The following NAV2 variants were observed in gnomAD, a reference collection of about 807,000 sequenced individuals.
NAV2 encodes neuron navigator 2, also known as helicase, APC down-regulated 1.
Under a neutral mutation model 223.2 loss-of-function variants are expected in NAV2, and 54 were observed. The observed-to-expected ratio is 0.24, with a 90% CI of 0.19 to 0.30. The LOEUF (loss-of-function observed/expected upper bound fraction) is 0.30, where lower values mean the gene tolerates loss of function less well. NAV2 is among the 10% of genes least tolerant of loss of function. The pLI is 1.00. For missense variants in NAV2, 2,806 were observed against 3,147.5 expected, an observed-to-expected ratio of 0.89 and a Z score of 2.60; for synonymous variants, 1,279 against 1,239.3, an observed-to-expected ratio of 1.03 and a Z score of -0.67.
At chr11:19,432,555 G>T (rs567345926) in intron 1 of NAV2, among the ~76,000 whole-genome samples, 1 of 152,342 alleles carries the variant, frequency 6.6e-6, no homozygotes, top group South Asian at 2.1e-4. Context: ...AGGCGTCATG[G>T]ACAGTGAGGA....
intron 1 of NAV2, among the ~76,000 whole-genome samples, chr11:19,473,371 G>A (rs746653018): frequency 6.6e-6 from 1 of 152,012 alleles, no homozygotes; most frequent in Non-Finnish European, 1.5e-5. Flanking sequence ...GAGAGGCTTG[G>A]TAGTATCATA....
In NAV2 at chr11:20,062,367, T is replaced by C. The variant is rs1458500141; in HGVS notation, c.4884+8T>C. The stretch of plus-strand genomic sequence containing the variant: ...TCGTCAGTTTATTCTACAGTGAGTA[T>C]AAATCAATGCTGTGTGGCTGTGATC... On this transcript the variant is annotated splice_region_variant and intron_variant, in intron 20 of 37. Transcript: ENST00000349880. 8.1e-6 allele frequency: 13 copies of C among 1,606,424 alleles called. No individual in the cohort carries two copies. The highest frequency in any genetic ancestry group is 9.4e-6 in the Non-Finnish European group (11 of 1,174,616).
At chr11:20,095,108 A>G (rs2061154336) in intron 29 of NAV2, among the ~76,000 whole-genome samples, 1 of 152,256 alleles carries the variant, frequency 6.6e-6, no homozygotes, top group African/African-American at 2.4e-5. Flanking sequence ...TAAAAACAAG[A>G]TAGAAGAAAA....
intron 1 of NAV2, among the ~76,000 whole-genome samples, chr11:19,467,260 A>G (rs1852400761): frequency 6.6e-6 from 1 of 152,324 alleles, no homozygotes; most frequent in South Asian, 2.1e-4. Context: ...TCAATAAGGC[A>G]TATTTCTTCT....
intron 4 of NAV2, among the ~76,000 whole-genome samples, chr11:19,873,142 A>G (rs1014245485): frequency 2.6e-5 from 4 of 152,182 alleles, no homozygotes; most frequent in Non-Finnish European, 4.4e-5. Flanking sequence ...GGCATATTCT[A>G]TCTAGTTCAG....
chr11:19,433,693 T>C (rs1851114631), intron 1 of NAV2, among the ~76,000 whole-genome samples: 2 of 152,246 alleles, frequency 1.3e-5, no homozygotes, highest in Admixed American at 1.3e-4. Context: ...GGGGAGTCTC[T>C]GATTAGGCCC....
intron 1 of NAV2, among the ~76,000 whole-genome samples, chr11:19,634,459 T>C (rs2047434591): frequency 6.6e-6 from 1 of 152,196 alleles, no homozygotes; most frequent in African/African-American, 2.4e-5. Context: ...ACCTGTGTAA[T>C]AAACCTTCAC....
chr11:19,952,691 G>A (rs952700903), intron 10 of NAV2, among the ~76,000 whole-genome samples: 2 of 152,096 alleles, frequency 1.3e-5, no homozygotes, highest in African/African-American at 4.8e-5. Context: ...GCTGTACTTC[G>A]GCTTGGCATA....
intron 19 of NAV2, among the ~76,000 whole-genome samples, chr11:20,057,513 T>C (rs929280628): frequency 4.6e-5 from 7 of 152,192 alleles, no homozygotes; most frequent in African/African-American, 1.4e-4. Flanking sequence ...ATTAATGCTA[T>C]AACTGCTCAG....
chr11:19,403,715 C>A (rs2729913), intron 1 of NAV2, among the ~76,000 whole-genome samples: 124,556 of 152,072 alleles, frequency 0.82, 51,760 homozygotes, highest in Non-Finnish European at 0.9. Flanking sequence ...AGCCTCTGTT[C>A]TAGTGTGGGA....
chr11:19,656,625 G>T (rs1024350780), intron 1 of NAV2, among the ~76,000 whole-genome samples: 6 of 152,214 alleles, frequency 3.9e-5, no homozygotes, highest in Admixed American at 3.3e-4. Context: ...AATGGGCAAA[G>T]AGTGGAGGCA....
intron 1 of NAV2, among the ~76,000 whole-genome samples, chr11:19,616,362 G>A (rs76254247): frequency 3.2e-3 from 467 of 147,934 alleles, no homozygotes; most frequent in African/African-American, 0.011. Context: ...TGGCTCTCTG[G>A]GCTGGCCTCC....
chr11:19,623,997 T>TTC (rs2047086595), intron 1 of NAV2, among the ~76,000 whole-genome samples: 1 of 152,244 alleles, frequency 6.6e-6, no homozygotes, highest in Non-Finnish European at 1.5e-5. Context: ...GTCAGGACCC[T>TTC]CAGCTGCAGG....
intron 1 of NAV2, among the ~76,000 whole-genome samples, chr11:19,381,088 C>T (rs528950134): frequency 1.3e-5 from 2 of 152,248 alleles, no homozygotes; most frequent in East Asian, 1.9e-4. Flanking sequence ...CCCTGGCTTC[C>T]CTATCCTTGC....
At chr11:19,826,685 A>G (rs1027943279) in intron 1 of NAV2, among the ~76,000 whole-genome samples, 4 of 152,224 alleles carry the variant, frequency 2.6e-5, no homozygotes, top group African/African-American at 9.6e-5. Flanking sequence ...AGGAAACTCC[A>G]GATAATTAAT....
At chr11:19,462,693 G>C (rs1350759715) in intron 1 of NAV2, among the ~76,000 whole-genome samples, 1 of 152,206 alleles carries the variant, frequency 6.6e-6, no homozygotes, top group African/African-American at 2.4e-5. Context: ...GTGATGACCA[G>C]GTTTGAGTAG....
chr11:19,408,614 T>C (rs1016951560), intron 1 of NAV2, among the ~76,000 whole-genome samples: 3 of 152,346 alleles, frequency 2.0e-5, no homozygotes, highest in East Asian at 3.9e-4. Context: ...GGTTCTGTGC[T>C]GAGATCACAG....
chr11:20,056,478 C>A (rs1467809191), intron 19 of NAV2: 5 of 1,214,254 alleles, frequency 4.1e-6, no homozygotes, highest in Non-Finnish European at 6.1e-6. Context: ...TCTTTGGTTG[C>A]TAACTGAGAA....
intron 1 of NAV2, among the ~76,000 whole-genome samples, chr11:19,401,120 T>G (rs576407260): frequency 1.3e-5 from 2 of 152,232 alleles, no homozygotes; most frequent in Non-Finnish European, 2.9e-5. Flanking sequence ...CTCTCAGTGC[T>G]TCTAGAGACG....
Sources: allele counts gnomAD v4.1 joint callset (sites outside exome capture counted in the v4.1 genomes callset), GRCh38; gene constraint gnomAD v4.1.1; transcripts MANE v1.5; gene names NCBI Gene and HGNC (gene_info 2026-07-23, HGNC 2026-07-21).